Variants in TCOF1 observed in about 807,000 individuals in gnomAD.
TCOF1 encodes the protein treacle ribosome biogenesis factor 1.
Under a neutral mutation model 149.0 loss-of-function variants are expected in TCOF1, and 33 were observed. The ratio of observed to expected loss-of-function variants is 0.22; its 90% CI spans 0.17 to 0.30. The LOEUF (loss-of-function observed/expected upper bound fraction) is 0.30. Among genes scored for constraint, TCOF1 ranks in the 10% least tolerant of loss-of-function variants. TCOF1 has a pLI of 1.00. For missense variants in TCOF1, 1,728 were observed against 1,840.7 expected, an observed-to-expected ratio of 0.94 and a Z score of 1.12; for synonymous variants, 789 against 738.8, an observed-to-expected ratio of 1.07 and a Z score of -1.10.
At position 150,357,781 on chromosome 5, in the gene TCOF1, C is replaced by T; in HGVS notation, c.35C>T (p.Pro12Leu). The T allele has an allele frequency of 6.5e-7, 1 of 1,549,700 alleles. No homozygotes were observed. The highest frequency in any genetic ancestry group is 8.7e-7 in the Non-Finnish European group (1 of 1,146,576). Residue 12 changes from proline (P) to leucine (L), a missense_variant, in exon 1 of 27, where the codon CCC (proline) becomes CTC (leucine). By Grantham distance (98) the Pro-to-Leu change is moderately conservative (BLOSUM62 -3). Coordinates refer to ENST00000643257, the MANE Select transcript of TCOF1 (RefSeq NM_001371623.1). Reference sequence around the variant, plus strand: ...GCCAGGAAGCGGCGGGAGCTACTTCCCCTGATCTACCACCATCTGCTGCGG... The same window carrying T: ...GCCAGGAAGCGGCGGGAGCTACTTCTCCTGATCTACCACCATCTGCTGCGG... ...AEARKRRELL[P>L]LIYHHLLRAG...
At chr5:150,390,580 G>C (rs1246843167) in intron 19 of TCOF1, among the ~76,000 whole-genome samples, 1 of 151,974 alleles carries the variant, frequency 6.6e-6, no homozygotes, top group African/African-American at 2.4e-5. Flanking sequence ...TTGCTCTTTG[G>C]GCCATATCAG....
intron 17 of TCOF1, among the ~76,000 whole-genome samples, chr5:150,385,861 C>T (rs1003131044): frequency 6.6e-6 from 1 of 152,114 alleles, no homozygotes; most frequent in Non-Finnish European, 1.5e-5. Flanking sequence ...TGCTGCTTCA[C>T]TCCCATCAGT....
At position 150,368,485 on chromosome 5, in the gene TCOF1, T is replaced by C. The variant is rs181466461; in HGVS notation, c.379-231T>C. ...TCAACAACAAACTGCTACTTACCACTTAGTAAATAACTACCATGTCCCAAG... is the reference window on the plus strand; with the variant it reads ...TCAACAACAAACTGCTACTTACCACCTAGTAAATAACTACCATGTCCCAAG... On this transcript the variant is annotated intron_variant, in intron 4 of 26. Transcript: ENST00000643257. 8.6e-5 allele frequency: 49 copies of C among 572,136 alleles called. 1 individual carries two copies. In the African/African-American group the frequency reaches 8.6e-4, roughly 10 times the overall value. The allele number at this position is 572,136 out of a possible 1,614,324, so 35.4% of individuals were successfully genotyped here.
intron 6 of TCOF1, 76 bp downstream of exon 6, chr5:150,369,678 C>T: frequency 1.3e-6 from 2 of 1,508,844 alleles, no homozygotes; most frequent in Non-Finnish European, 9.1e-7. Flanking sequence ...GGGCTTCAGA[C>T]ACCAGTGGGC....
chr5:150,399,025 A>T lies in TCOF1; in HGVS notation c.4447A>T (p.Lys1483Ter). ...TCTCGTACTTCCCTCCTCACAGAAG[A>T]AGACAGCAGAGCAGACTGTATGACG... ...PSQKKKKKKK[K>*]TAEQTV is the part of the protein sequence containing the mutation. Residue 1483 changes from lysine to a stop codon, truncating the protein, a stop_gained, in exon 26 of 27, where the codon AAG (lysine) becomes TAG (stop). Transcript: ENST00000643257. LOFTEE classifies it high-confidence loss of function. 6.2e-7 allele frequency: 1 copy of T among 1,614,224 alleles called. No homozygotes were observed. The highest frequency in any genetic ancestry group is 8.5e-7 in the Non-Finnish European group (1 of 1,180,038).
intron 19 of TCOF1, 111 bp downstream of exon 19, chr5:150,390,134 C>G: frequency 2.0e-6 from 3 of 1,499,368 alleles, no homozygotes; most frequent in Non-Finnish European, 2.7e-6. Flanking sequence ...CGCCCACACT[C>G]CAGAGGTCGT....
chr5:150,368,805 T>A lies in TCOF1; in HGVS notation c.468T>A (p.Ser156=), dbSNP rs1761920935. 1.9e-6 allele frequency: 3 copies of A among 1,613,930 alleles called. No homozygotes were observed. Among genetic ancestry groups the A allele is most frequent in the Non-Finnish European group, 2.5e-6 (3 of 1,180,030 alleles). ...KTVANLLSGK[S]PRKSAEPSAN... ...TGGCCAACCTTCTTTCTGGGAAGTC[T>A]CCCAGGAAGTCAGCAGAGCCCTCAG... The change falls in exon 5 of 27, where the codon TCT becomes TCA. Residue 156 remains serine (S), a synonymous_variant. Coordinates refer to ENST00000643257, the MANE Select transcript of TCOF1 (RefSeq NM_001371623.1).
rs763497947 is a variant in TCOF1 at position 150,372,089 on chromosome 5, C to A, written c.723C>A (p.Ala241=). 3.1e-6 allele frequency: 5 copies of A among 1,614,122 alleles called. No homozygotes were observed. The highest frequency in any genetic ancestry group is 4.2e-6 in the Non-Finnish European group (5 of 1,180,050). Residue 241 remains alanine, a synonymous_variant, in exon 7 of 27, where the codon GCC becomes GCA. Transcript: ENST00000643257. ...KESPARKAAP[A]PGKVGDVTPQ... The stretch of plus-strand genomic sequence containing the variant: ...CTCCAGCAAGAAAGGCGGCCCCAGC[C>A]CCTGGGAAGGTGGGGGATGTGACAC...
rs774062086 is a variant in TCOF1 at position 150,391,631 on chromosome 5, G to A, written c.3271G>A (p.Val1091Ile). ...GAAAGCCAGTGAGGCTCAGCCTCCT[G>A]TTGCCAGGACCCAGCCTTCAAGTGG... ...AQKASEAQPPVARTQPSSGVD... is the reference protein window; with the variant it reads ...AQKASEAQPPIARTQPSSGVD... The change falls in exon 20 of 27, where the codon GTT becomes ATT. Residue 1091 changes from valine to isoleucine, a missense_variant. Val to Ile is a conservative substitution (Grantham distance 29). This residue lies in a region of TCOF1 where 1,696 missense variants were observed against 1,765.4 expected (regional missense o/e 0.96). Coordinates refer to ENST00000643257, the MANE Select transcript of TCOF1 (RefSeq NM_001371623.1). 6.2e-7 allele frequency: 1 copy of A among 1,614,076 alleles called. No individual in the cohort carries two copies. Among genetic ancestry groups the A allele is most frequent in the Admixed American group, 1.7e-5 (1 of 60,030 alleles).
Position 150,374,706 on chromosome 5 carries a change from T to C in TCOF1, c.1173T>C (p.Pro391=), listed in dbSNP as rs760292610. The change falls in exon 9 of 27, where the codon CCT becomes CCC. Residue 391 remains proline (P), a synonymous_variant. Transcript: ENST00000643257. Reference sequence around the variant, plus strand: ...GGAAAGGAGCTGCCCCAGCGCCCCCTGGGAAGACAGGGCCTGCAGTTGCCA... The same window carrying C: ...GGAAAGGAGCTGCCCCAGCGCCCCCCGGGAAGACAGGGCCTGCAGTTGCCA... The part of the protein sequence containing the change: ...SPRKGAAPAP[P]GKTGPAVAKA... 6.2e-7 allele frequency: 1 copy of C among 1,612,404 alleles called. No homozygotes were observed. The highest frequency in any genetic ancestry group is 8.5e-7 in the Non-Finnish European group (1 of 1,179,564).
At chr5:150,366,143 G>C (rs1761301572) in intron 3 of TCOF1, among the ~76,000 whole-genome samples, 1 of 148,686 alleles carries the variant, frequency 6.7e-6, no homozygotes, top group South Asian at 2.1e-4. Flanking sequence ...AGGAAGAAGA[G>C]TCCTCGTTGG....
At position 150,372,110 on chromosome 5, in the gene TCOF1, G is replaced by A; in HGVS notation, c.744G>A (p.Val248=). 6.2e-7 allele frequency: 1 copy of A among 1,614,238 alleles called. No individual in the cohort carries two copies. Among genetic ancestry groups the A allele is most frequent in the South Asian group, 1.1e-5 (1 of 91,088 alleles). ...AAPAPGKVGD[V]TPQVKGGALP... is the part of the protein sequence containing the mutation. Reference sequence around the variant, plus strand: ...CAGCCCCTGGGAAGGTGGGGGATGTGACACCCCAGGTCAAAGGAGGGGCCC... The same window carrying A: ...CAGCCCCTGGGAAGGTGGGGGATGTAACACCCCAGGTCAAAGGAGGGGCCC... Residue 248 remains valine, a synonymous_variant, in exon 7 of 27, where the codon GTG becomes GTA. Transcript: ENST00000643257.
Position 150,397,116 on chromosome 5 carries a change from G to T in TCOF1, c.4345+274G>T, listed in dbSNP as rs182172770. Reference sequence around the variant, plus strand: ...AGAGCTTGCAGTGAGCCGAGATCACGCATTGCACTCCAGCCTGGGTGACAG... The same window carrying T: ...AGAGCTTGCAGTGAGCCGAGATCACTCATTGCACTCCAGCCTGGGTGACAG... On this transcript the variant is annotated intron_variant, in intron 24 of 26. Coordinates refer to ENST00000643257, the MANE Select transcript of TCOF1 (RefSeq NM_001371623.1). Among the ~76,000 whole-genome samples the T allele has an allele frequency of 2.1e-4, 28 of 133,784 alleles. No individual in the cohort carries two copies. The East Asian group carries it at 2.4e-3, about 12-fold the overall frequency. 87.8% of individuals were successfully genotyped at this position (133,784 alleles called of 152,430 possible). A position where few individuals can be genotyped will look rare whatever the true frequency, so the allele number is the denominator to read the frequency against.
intron 1 of TCOF1, among the ~76,000 whole-genome samples, chr5:150,360,324 G>C (rs1466057365): frequency 2.0e-5 from 3 of 152,200 alleles, no homozygotes; most frequent in Non-Finnish European, 4.4e-5. Flanking sequence ...TCTGGCCTCT[G>C]CTCCAAAGGC....
intron 4 of TCOF1, chr5:150,368,294 C>T (rs1465237053): frequency 2.9e-6 from 1 of 349,840 alleles, no homozygotes; most frequent in Non-Finnish European, 5.3e-6. Context: ...GGTTCTGAAA[C>T]TCTAAAAGCA....
intron 22 of TCOF1, 115 bp downstream of exon 22, chr5:150,392,905 G>A (rs766357743): frequency 2.1e-5 from 27 of 1,301,016 alleles, no homozygotes; most frequent in Non-Finnish European, 2.9e-5. Flanking sequence ...CTTCACAGAG[G>A]CCTTGGGCAA....
chr5:150,376,211 C>T lies in TCOF1; in HGVS notation c.2023C>T (p.Pro675Ser). Reference sequence around the variant, plus strand: ...CCGGAAAGCAGGAACTGCGACTTCTCCAGCAGGCTCATCCCCAGCTGTGGC... The same window carrying T: ...CCGGAAAGCAGGAACTGCGACTTCTTCAGCAGGCTCATCCCCAGCTGTGGC... ...APRKAGTATS[P>S]AGSSPAVAGG... is the part of the protein sequence containing the mutation. Residue 675 changes from proline to serine, a missense_variant, in exon 13 of 27, where the codon CCA (proline) becomes TCA (serine). Pro to Ser is a moderately conservative substitution (Grantham distance 74). This residue lies in a region of TCOF1 where 1,696 missense variants were observed against 1,765.4 expected (regional missense o/e 0.96). Coordinates refer to ENST00000643257, the MANE Select transcript of TCOF1 (RefSeq NM_001371623.1). 6.2e-7 allele frequency: 1 copy of T among 1,614,220 alleles called. No homozygotes were observed. The highest frequency in any genetic ancestry group is 8.5e-7 in the Non-Finnish European group (1 of 1,180,024).
intron 25 of TCOF1, among the ~76,000 whole-genome samples, chr5:150,398,660 G>A (rs1769106070): frequency 6.6e-6 from 1 of 152,232 alleles, no homozygotes; most frequent in Admixed American, 6.5e-5. Context: ...GTAGAAGGGT[G>A]TTGGGGAAGG....
chr5:150,396,782 G>T lies in TCOF1; in HGVS notation c.4285G>T (p.Val1429Phe), dbSNP rs1768618831. 2 of 1,611,408 alleles carry T rather than the reference G, an allele frequency of 1.2e-6. No individual in the cohort carries two copies. The highest frequency in any genetic ancestry group is 8.5e-7 in the Non-Finnish European group (1 of 1,179,272). Reference sequence around the variant, plus strand: ...GGAGCTTCAGAAGGGGATGGGGACGGTTGAAGGTGGAGATCAAAGCAACCC... The same window carrying T: ...GGAGCTTCAGAAGGGGATGGGGACGTTTGAAGGTGGAGATCAAAGCAACCC... ...EEELQKGMGT[V>F]EGGDQSNPKS... Residue 1429 changes from valine (V) to phenylalanine (F), a missense_variant, in exon 24 of 27, where the codon GTT becomes TTT. Around this residue, in one of 2 missense-constraint regions of TCOF1, gnomAD observed 1,696 missense variants for 1,765.4 expected, o/e 0.96. Coordinates refer to ENST00000643257, the MANE Select transcript of TCOF1 (RefSeq NM_001371623.1).
Sources: gnomAD v4.1 joint callset for allele counts (sites outside exome capture counted in the v4.1 genomes callset) on GRCh38, gnomAD v4.1.1 for gene constraint, gnomAD v4.1.1 regional missense constraint, MANE v1.5 for transcripts, NCBI Gene and HGNC (gene_info 2026-07-23, HGNC 2026-07-21) for gene names.